The following NRXN3 variants were observed in gnomAD, a reference collection of about 807,000 sequenced individuals.
NRXN3 encodes neurexin 3.
A neutral mutation model predicts 137.6 loss-of-function variants in NRXN3; 32 were observed. That is an observed-to-expected ratio of 0.23 (90% CI 0.18 to 0.31). The LOEUF is 0.31. NRXN3 is among the 10% of genes least tolerant of loss of function. The pLI, the probability that NRXN3 is intolerant of heterozygous loss-of-function variation, is 1.00. For missense variants in NRXN3, 1,574 were observed against 2,062.5 expected (o/e 0.76, Z 4.59); for synonymous variants, 798 against 784.5 (o/e 1.02, Z -0.29).
At chr14:79,074,458 T>C (rs6574484) in intron 15 of NRXN3, 139,953 of 152,266 alleles carry the variant, frequency 0.92, 65,217 homozygotes, top group Non-Finnish European at 0.99. Flanking sequence ...GTAGTCATCA[T>C]GAGTACTAAG....
chr14:79,813,806 A>G (rs1031497349), intron 20 of NRXN3, among the ~76,000 whole-genome samples: 5 of 152,136 alleles, frequency 3.3e-5, no homozygotes, highest in Non-Finnish European at 7.4e-5. Flanking sequence ...CTTTATGACA[A>G]TGTAATTAAT....
intron 17 of NRXN3, among the ~76,000 whole-genome samples, chr14:79,677,539 C>T (rs956850679): frequency 1.3e-5 from 2 of 151,964 alleles, no homozygotes; most frequent in Non-Finnish European, 2.9e-5. Context: ...TCTCTAGAAT[C>T]GGTAAAAATA....
intron 4 of NRXN3, among the ~76,000 whole-genome samples, chr14:78,634,471 G>A (rs1400707927): frequency 6.6e-6 from 1 of 152,126 alleles, no homozygotes; most frequent in Non-Finnish European, 1.5e-5. Flanking sequence ...AATAACCAAA[G>A]AATCATTCAA....
At chr14:78,535,626 G>A (rs2096528083) in intron 4 of NRXN3, among the ~76,000 whole-genome samples, 2 of 152,150 alleles carry the variant, frequency 1.3e-5, no homozygotes, top group African/African-American at 2.4e-5. Context: ...AGAGGAGGAG[G>A]AAAAGACTAA....
chr14:78,714,899 A>G lies in NRXN3; in HGVS notation c.1804A>G (p.Met602Val), dbSNP rs1461438396. ...LILPTELWTAMLNYGYVGCIR... is the reference protein window; with the variant it reads ...LILPTELWTAVLNYGYVGCIR... ...TCTCCCCACCGAGCTGTGGACTGCCATGCTCAACTATGGCTACGTGGGCTG... is the reference window on the plus strand; with the variant it reads ...TCTCCCCACCGAGCTGTGGACTGCCGTGCTCAACTATGGCTACGTGGGCTG... Residue 602 changes from methionine (M) to valine (V), a missense_variant, in exon 8 of 21, where the codon ATG becomes GTG. Met to Val is a conservative substitution (Grantham distance 21, BLOSUM62 1). Coordinates refer to ENST00000335750, the MANE Select transcript of NRXN3 (RefSeq NM_001330195.2). 5 of 1,614,150 alleles carry G rather than the reference A, an allele frequency of 3.1e-6. No homozygotes were observed. In the South Asian group the frequency reaches 5.5e-5, roughly 18 times the overall value.
chr14:79,686,591 C>A (rs965692318), intron 17 of NRXN3, among the ~76,000 whole-genome samples: 2 of 152,024 alleles, frequency 1.3e-5, no homozygotes, highest in Non-Finnish European at 2.9e-5. Flanking sequence ...TAGATATTAC[C>A]TTTTTTAAAA....
intron 4 of NRXN3, among the ~76,000 whole-genome samples, chr14:78,408,266 TCTAAGCCTATG>T (rs2092618072): frequency 6.6e-6 from 1 of 152,150 alleles, no homozygotes; most frequent in South Asian, 2.1e-4. Flanking sequence ...GGAAACCTGA[TCTAAGCCTATG>T]CAATGCTAAA....
chr14:78,950,914 A>G (rs2099385936), intron 10 of NRXN3, among the ~76,000 whole-genome samples: 1 of 152,126 alleles, frequency 6.6e-6, no homozygotes, highest in Non-Finnish European at 1.5e-5. Flanking sequence ...ATCATGTCTT[A>G]CTTTTTTCTG....
At chr14:78,228,012 G>C (rs1469629858) in intron 1 of NRXN3, among the ~76,000 whole-genome samples, 1 of 152,194 alleles carries the variant, frequency 6.6e-6, no homozygotes, top group Non-Finnish European at 1.5e-5. Context: ...TCACATGTCT[G>C]AGCTTAGTGT....
intron 19 of NRXN3, among the ~76,000 whole-genome samples, chr14:79,772,420 A>G (rs1225070022): frequency 6.6e-6 from 1 of 152,188 alleles, no homozygotes; most frequent in Non-Finnish European, 1.5e-5. Flanking sequence ...TACTGGTACC[A>G]AAACAGAGAT....
chr14:78,824,672 A>G (rs2098961177), intron 10 of NRXN3, among the ~76,000 whole-genome samples: 1 of 152,236 alleles, frequency 6.6e-6, no homozygotes, highest in Non-Finnish European at 1.5e-5. Context: ...ATATGTTTTT[A>G]GAAACCCTTA....
At chr14:79,199,242 T>C (rs535045566) in intron 15 of NRXN3, among the ~76,000 whole-genome samples, 17 of 152,340 alleles carry the variant, frequency 1.1e-4, no homozygotes, top group Admixed American at 7.2e-4. Flanking sequence ...CCTTCTTCTC[T>C]TTCTACTTCC....
At chr14:79,358,559 C>CA (rs1217868111) in intron 15 of NRXN3, among the ~76,000 whole-genome samples, 29,602 of 61,708 alleles carry the variant, frequency 0.48, 6,166 homozygotes, top group Middle Eastern at 0.53. Context: ...GACTCTGTCT[C>CA]AAAAAAAAAA....
At chr14:79,646,668 T>C (rs2153966616) in intron 16 of NRXN3, among the ~76,000 whole-genome samples, 1 of 135,530 alleles carries the variant, frequency 7.4e-6, no homozygotes, top group African/African-American at 2.4e-5. Context: ...TAAAAGCCAA[T>C]CTGTGGTGGC....
chr14:78,631,836 G>A (rs917470519), intron 4 of NRXN3, among the ~76,000 whole-genome samples: 1 of 152,082 alleles, frequency 6.6e-6, no homozygotes. Context: ...GCTCATGCCT[G>A]TAATCCCAGC....
chr14:79,573,071 T>C (rs1410643708), intron 16 of NRXN3: 4 of 152,222 alleles, frequency 2.6e-5, no homozygotes, highest in Non-Finnish European at 5.9e-5. Flanking sequence ...TTTTCAGATA[T>C]CTTCTCCCCT....
At chr14:78,834,831 G>A (rs2098991823) in intron 10 of NRXN3, among the ~76,000 whole-genome samples, 1 of 152,114 alleles carries the variant, frequency 6.6e-6, no homozygotes, top group Non-Finnish European at 1.5e-5. Flanking sequence ...TGAAACACTT[G>A]ACCCTGCCCT....
intron 15 of NRXN3, among the ~76,000 whole-genome samples, chr14:79,307,803 T>C (rs540478378): frequency 9.9e-5 from 15 of 151,534 alleles, no homozygotes; most frequent in Middle Eastern, 3.4e-3. Context: ...TTTATTTTTT[T>C]TCTCTCTCTC....
intron 8 of NRXN3, among the ~76,000 whole-genome samples, chr14:78,728,834 G>A (rs2098500372): frequency 1.3e-5 from 2 of 152,190 alleles, no homozygotes; most frequent in South Asian, 2.1e-4. Context: ...AGGAGGCGGA[G>A]GTTGCAGTGA....
Sources: allele counts gnomAD v4.1 joint callset (sites outside exome capture counted in the v4.1 genomes callset), GRCh38; gene constraint gnomAD v4.1.1; transcripts MANE v1.5; gene names NCBI Gene and HGNC (gene_info 2026-07-23, HGNC 2026-07-21).